CFAP77: variants seen among roughly 807,000 people sequenced by gnomAD.
CFAP77 encodes cilia and flagella associated protein 77.
Under a neutral mutation model 31.1 loss-of-function variants are expected in CFAP77, and 25 were observed. The observed-to-expected ratio is 0.80, with a 90% CI of 0.59 to 1.12. CFAP77 has a LOEUF of 1.12. Among genes scored for constraint, CFAP77 ranks in the 50% most tolerant of loss-of-function variants. The pLI is 0.00. For missense variants in CFAP77, 377 were observed against 397.3 expected, an observed-to-expected ratio of 0.95 and a Z score of 0.44; for synonymous variants, 151 against 159.9, an observed-to-expected ratio of 0.94 and a Z score of 0.42.
In CFAP77 at chr9:132,513,486, A is replaced by G. The variant is rs936443660; in HGVS notation, c.524+13886A>G. ...GGACCCTCCCGAGGTTGGAGCACGC[A>G]TGCTTTCCACCCAGCGTGCCCAGTT... On this transcript the variant is annotated intron_variant, in intron 3 of 5. Transcript: ENST00000393216. 4.5e-6 allele frequency: 5 copies of G among 1,105,656 alleles called. No individual in the cohort carries two copies. The African/African-American group carries it at 7.9e-5, about 17-fold the overall frequency. 68.5% of individuals were successfully genotyped at this position (1,105,656 alleles called of 1,614,324 possible).
intron 1 of CFAP77, among the ~76,000 whole-genome samples, chr9:132,422,417 C>T (rs1043334758): frequency 2.6e-5 from 4 of 152,172 alleles, no homozygotes; most frequent in African/African-American, 9.7e-5. Context: ...CTAGGGAAGC[C>T]CCACCTGGAA....
chr9:132,457,029 G>A (rs1479067758), intron 1 of CFAP77, among the ~76,000 whole-genome samples: 2 of 152,124 alleles, frequency 1.3e-5, no homozygotes, highest in Non-Finnish European at 2.9e-5. Flanking sequence ...ACAGGCACCT[G>A]GCCCCAGGCA....
chr9:132,484,174 G>A (rs984716339), intron 1 of CFAP77, among the ~76,000 whole-genome samples: 3 of 152,104 alleles, frequency 2.0e-5, no homozygotes, highest in Non-Finnish European at 4.4e-5. Context: ...CTGATCTCAA[G>A]TGATCTGCCC....
chr9:132,569,753 T>TG (rs1554752235), intron 5 of CFAP77, among the ~76,000 whole-genome samples: 1 of 139,350 alleles, frequency 7.2e-6, no homozygotes, highest in Non-Finnish European at 1.5e-5. Flanking sequence ...TTTTTTTTTT[T>TG]GAGACGGAAT....
chr9:132,572,776 G>T lies in CFAP77; in HGVS notation c.*266G>T, dbSNP rs919702353. 2.3e-5 allele frequency: 11 copies of T among 478,444 alleles called. No individual in the cohort carries two copies. The highest frequency in any genetic ancestry group is 3.7e-5 in the Non-Finnish European group (10 of 272,156). 29.6% of individuals were successfully genotyped at this position (478,444 alleles called of 1,614,324 possible). On this transcript the variant is annotated 3_prime_UTR_variant, in exon 6 of 6. Coordinates refer to ENST00000393216, the MANE Select transcript of CFAP77 (RefSeq NM_001282957.2). ...TCTCCTCCTAGGGCAGGCTCACCCT[G>T]CCTCTTCTCAAGCCCTCACCTGCCA...
At chr9:132,530,109 CTT>C (rs1852412874) in intron 3 of CFAP77, among the ~76,000 whole-genome samples, 2 of 119,064 alleles carry the variant, frequency 1.7e-5, no homozygotes, top group Non-Finnish European at 1.8e-5. Context: ...CTCTTCATGT[CTT>C]TTGCCTCTTT....
At chr9:132,515,620 T>A (rs929029371) in intron 3 of CFAP77, among the ~76,000 whole-genome samples, 2 of 152,188 alleles carry the variant, frequency 1.3e-5, no homozygotes, top group Admixed American at 6.5e-5. Flanking sequence ...TCAGGCCTCA[T>A]TACTCCTTTC....
At chr9:132,510,289 G>A (rs73659072) in intron 3 of CFAP77, among the ~76,000 whole-genome samples, 4,075 of 152,300 alleles carry the variant, frequency 0.027, 113 homozygotes, top group African/African-American at 0.062. Context: ...GGCCTCACCC[G>A]TGTCAGGGGA....
intron 3 of CFAP77, among the ~76,000 whole-genome samples, chr9:132,500,148 T>C (rs1851817323): frequency 7.3e-6 from 1 of 137,784 alleles, no homozygotes. Context: ...TGAGACCCTG[T>C]CTCCAAAAAA....
At chr9:132,438,667 C>G (rs1382033844) in intron 1 of CFAP77, among the ~76,000 whole-genome samples, 1 of 150,156 alleles carries the variant, frequency 6.7e-6, no homozygotes, top group Non-Finnish European at 1.5e-5. Context: ...TCCTGAGTAG[C>G]TGGGACTACT....
chr9:132,572,228 C>T (rs984154392), intron 5 of CFAP77, among the ~76,000 whole-genome samples, 160 bp from the exon 6 acceptor site: 8 of 152,058 alleles, frequency 5.3e-5, no homozygotes, highest in Non-Finnish European at 1.2e-4. Flanking sequence ...CCTCGTGGCT[C>T]AGCACCAGGA....
intron 5 of CFAP77, among the ~76,000 whole-genome samples, chr9:132,558,706 A>AAAAT (rs893567670): frequency 1.1e-4 from 17 of 151,148 alleles, no homozygotes; most frequent in East Asian, 5.8e-4. Flanking sequence ...ACTCTGTCTC[A>AAAAT]AAATAAATAA....
At chr9:132,512,490 A>G (rs1195304100) in intron 3 of CFAP77, among the ~76,000 whole-genome samples, 2 of 152,226 alleles carry the variant, frequency 1.3e-5, no homozygotes, top group Admixed American at 6.5e-5. Flanking sequence ...AAGCATCTTA[A>G]CACAAATCAA....
chr9:132,495,177 C>T lies in CFAP77; in HGVS notation c.196-3518C>T, dbSNP rs1777971246. Among the ~76,000 whole-genome samples, 1 of 149,894 alleles carries T rather than the reference C, an allele frequency of 6.7e-6. No homozygotes were observed. The highest frequency in any genetic ancestry group is 2.1e-4 in the South Asian group (1 of 4,744). The stretch of plus-strand genomic sequence containing the variant: ...GGAATGAAAGTATGAGCAAACCTCC[C>T]ATTGGGATTTTTTTTTTTTGTAGTC... On this transcript the variant is annotated intron_variant, in intron 1 of 5. Coordinates refer to ENST00000393216, the MANE Select transcript of CFAP77 (RefSeq NM_001282957.2). The surrounding 1 kb of genome is among the most constrained non-coding windows in gnomAD (Gnocchi z 4.2).
chr9:132,563,067 T>C (rs1021372879), intron 5 of CFAP77, among the ~76,000 whole-genome samples: 2 of 152,102 alleles, frequency 1.3e-5, no homozygotes, highest in South Asian at 4.1e-4. Flanking sequence ...TCACCTAGGC[T>C]GGAGTGCAGG....
At chr9:132,529,457 T>G in intron 3 of CFAP77, among the ~76,000 whole-genome samples, 1 of 143,020 alleles carries the variant, frequency 7.0e-6, no homozygotes, top group Non-Finnish European at 1.5e-5. Flanking sequence ...TGTATACATA[T>G]GTAACTAAAC....
chr9:132,525,006 T>G (rs1318405548), intron 3 of CFAP77, among the ~76,000 whole-genome samples: 1 of 141,738 alleles, frequency 7.1e-6, no homozygotes, highest in Non-Finnish European at 1.5e-5. Flanking sequence ...TTCGATTACC[T>G]CTTTATGTGA....
At chr9:132,426,366 T>C (rs1850311719) in intron 1 of CFAP77, among the ~76,000 whole-genome samples, 1 of 152,064 alleles carries the variant, frequency 6.6e-6, no homozygotes, top group Admixed American at 6.6e-5. Context: ...TCCCGAAAAG[T>C]CTAATACATT....
intron 1 of CFAP77, among the ~76,000 whole-genome samples, chr9:132,478,350 C>A (rs188478226): frequency 6.6e-6 from 1 of 151,944 alleles, no homozygotes; most frequent in East Asian, 1.9e-4. Context: ...TTACCCTGCA[C>A]GAGGCTCACA....
Sources: allele counts gnomAD v4.1 joint callset (sites outside exome capture counted in the v4.1 genomes callset), GRCh38; gene constraint gnomAD v4.1.1; non-coding constraint Gnocchi (gnomAD v3.1); transcripts MANE v1.5; gene names NCBI Gene and HGNC (gene_info 2026-07-23, HGNC 2026-07-21).